Variants in ZW10 observed in about 807,000 individuals in gnomAD.
ZW10 encodes the protein centromere/kinetochore protein zw10 homolog.
A neutral mutation model predicts 87.8 loss-of-function variants in ZW10; 53 were observed. That is an observed-to-expected ratio of 0.60 (90% CI 0.48 to 0.76). ZW10 has a LOEUF of 0.76. Ranked by LOEUF, ZW10 falls within the 30% of genes least tolerant of loss-of-function variation. The pLI is 0.00. For missense variants in ZW10, 837 were observed against 923.0 expected (o/e 0.91, Z 1.21); for synonymous variants, 312 against 329.2 (o/e 0.95, Z 0.57).
chr11:113,760,669 C>G, intron 3 of ZW10, 79 bp from the exon 4 acceptor site: 1 of 1,226,308 alleles, frequency 8.2e-7, no homozygotes, highest in South Asian at 1.4e-5. Context: ...AATGCTCCCA[C>G]TTTCCCTCCC....
chr11:113,762,264 A>G (rs1188497997), intron 2 of ZW10, among the ~76,000 whole-genome samples: 1 of 152,190 alleles, frequency 6.6e-6, no homozygotes, highest in Admixed American at 6.5e-5. Context: ...CAGAAAACAT[A>G]CAGTAAAAAT....
intron 11 of ZW10, among the ~76,000 whole-genome samples, chr11:113,741,056 G>A (rs1464205369): frequency 1.3e-5 from 2 of 151,304 alleles, no homozygotes; most frequent in African/African-American, 4.8e-5. Context: ...CAACAGGTGA[G>A]CCTAGTTAAA....
Position 113,758,577 on chromosome 11 carries a change from A to C in ZW10, c.710T>G (p.Leu237Arg). ...VLLAFSVLGE[L>R]HSKLKSFGQM... is the part of the protein sequence containing the mutation. ...ACCAAATGATTTAAGCTTGCTGTGT[A>C]GTTCTCCAAGAACAGAAAATGCCAA... The change falls in exon 6 of 16, where the codon CTA (leucine) becomes CGA (arginine). Residue 237 changes from leucine (L) to arginine (R), a missense_variant. Coordinates refer to ENST00000200135, the MANE Select transcript of ZW10 (RefSeq NM_004724.4). 1 of 1,614,080 alleles carries C rather than the reference A, an allele frequency of 6.2e-7. No individual in the cohort carries two copies. Among genetic ancestry groups the C allele is most frequent in the South Asian group, 1.1e-5 (1 of 91,066 alleles).
At chr11:113,761,815 T>A (rs1163694292) in intron 2 of ZW10, among the ~76,000 whole-genome samples, 1 of 152,140 alleles carries the variant, frequency 6.6e-6, no homozygotes, top group Non-Finnish European at 1.5e-5. Flanking sequence ...CCCTCCCCCT[T>A]ACCAACCACC....
chr11:113,733,564 G>A lies in ZW10; in HGVS notation c.*130C>T. The A allele has an allele frequency of 7.9e-7, 1 of 1,273,574 alleles. No homozygotes were observed. Among genetic ancestry groups the A allele is most frequent in the East Asian group, 2.3e-5 (1 of 42,866 alleles). 78.9% of individuals were successfully genotyped at this position (1,273,574 alleles called of 1,614,324 possible). A position where few individuals can be genotyped will look rare whatever the true frequency, so the allele number is the denominator to read the frequency against. On this transcript the variant is annotated 3_prime_UTR_variant, in exon 16 of 16. Coordinates refer to ENST00000200135, the MANE Select transcript of ZW10 (RefSeq NM_004724.4). ...AGGCCAGGAGGTAAGACGTTCTTCT[G>A]TAAAGTCAAACTTCCAAGATGTACT...
intron 2 of ZW10, among the ~76,000 whole-genome samples, chr11:113,764,232 G>A (rs866709326): frequency 7.5e-4 from 114 of 152,262 alleles, no homozygotes; most frequent in African/African-American, 2.6e-3. Context: ...GTCTGTTTTG[G>A]TACCAGTACC....
intron 15 of ZW10, 75 bp from the exon 16 acceptor site, chr11:113,733,889 T>C (rs1953520237): frequency 1.4e-6 from 2 of 1,477,366 alleles, no homozygotes; most frequent in East Asian, 4.7e-5. Flanking sequence ...ATTGCCTGTT[T>C]GATCCAAATG....
rs75952975 is a variant in ZW10 at position 113,764,968 on chromosome 11, G to A, written c.240+3865C>T. Among the ~76,000 whole-genome samples the A allele has an allele frequency of 5.0e-4, 76 of 152,244 alleles. 1 individual carries two copies. The East Asian group carries it at 0.012, about 23-fold the overall frequency. ...ACTCCAAACCAGTGGTTTTTAACAGGAAGTGATTTTGCCCCAACCTCAACC... is the reference window on the plus strand; with the variant it reads ...ACTCCAAACCAGTGGTTTTTAACAGAAAGTGATTTTGCCCCAACCTCAACC... On this transcript the variant is annotated intron_variant, in intron 2 of 15. Transcript: ENST00000200135.
chr11:113,737,738 G>C (rs1309966533), intron 13 of ZW10, 35 bp from the exon 14 acceptor site: 1 of 1,558,086 alleles, frequency 6.4e-7, no homozygotes, highest in East Asian at 2.3e-5. Context: ...GTGGAAGAAA[G>C]ATTACTGTGA....
In ZW10 at chr11:113,760,740, T is replaced by C. The variant is rs115512727; in HGVS notation, c.342+77A>G. On this transcript the variant is annotated intron_variant, in intron 3 of 15. Coordinates refer to ENST00000200135, the MANE Select transcript of ZW10 (RefSeq NM_004724.4). The stretch of plus-strand genomic sequence containing the variant: ...AAAATATGAAGACAAAAAAACCCAT[T>C]ATAGTCAGGAGATAGCCATTGACTA... 322 of 1,240,694 alleles carry C rather than the reference T, an allele frequency of 2.6e-4. 1 individual carries two copies. The African/African-American group carries it at 4.4e-3, about 17-fold the overall frequency. The allele number at this position is 1,240,694 out of a possible 1,614,324, so 76.9% of individuals were successfully genotyped here. A position where few individuals can be genotyped will look rare whatever the true frequency, so the allele number is the denominator to read the frequency against.
intron 11 of ZW10, among the ~76,000 whole-genome samples, chr11:113,740,681 C>T (rs1487459790): frequency 6.6e-6 from 1 of 152,176 alleles, no homozygotes; most frequent in East Asian, 1.9e-4. Context: ...GACAGTGGTT[C>T]TCAAAATGTG....
At chr11:113,763,227 T>C (rs935064913) in intron 2 of ZW10, among the ~76,000 whole-genome samples, 5 of 152,234 alleles carry the variant, frequency 3.3e-5, no homozygotes, top group Non-Finnish European at 5.9e-5. Context: ...TAGTATTCCA[T>C]GGTGTATATG....
intron 10 of ZW10, among the ~76,000 whole-genome samples, 177 bp downstream of exon 10, chr11:113,743,625 G>T (rs1224365270): frequency 6.6e-6 from 1 of 152,234 alleles, no homozygotes; most frequent in African/African-American, 2.4e-5. Flanking sequence ...GTCAGAGATA[G>T]ACATAAATCT....
chr11:113,759,334 T>G (rs1953833053), intron 5 of ZW10, among the ~76,000 whole-genome samples: 1 of 152,142 alleles, frequency 6.6e-6, no homozygotes, highest in African/African-American at 2.4e-5. Context: ...ATATTCTACT[T>G]GAGAACAGAA....
At position 113,733,785 on chromosome 11, in the gene ZW10, G is replaced by A; in HGVS notation, c.2249C>T (p.Ala750Val). ...RWADGKGPLA[A>V]AFSSSEVKAL... ...TTTTACTTCACTGGAAGAGAACGCA[G>A]CTGCCAGGGGTCCTTTTCCATCTGC... Residue 750 changes from alanine to valine, a missense_variant, in exon 16 of 16, where the codon GCT becomes GTT. Physicochemically the swap from Ala to Val is moderately conservative, Grantham distance 64 (BLOSUM62 0). Coordinates refer to ENST00000200135, the MANE Select transcript of ZW10 (RefSeq NM_004724.4). 6.2e-7 allele frequency: 1 copy of A among 1,611,092 alleles called. No individual in the cohort carries two copies. The highest frequency in any genetic ancestry group is 1.1e-5 in the South Asian group (1 of 90,742).
chr11:113,766,660 C>A (rs769686516), intron 2 of ZW10, among the ~76,000 whole-genome samples: 2 of 104,580 alleles, frequency 1.9e-5, no homozygotes, highest in Non-Finnish European at 3.5e-5. Context: ...GGTGACAGAG[C>A]GAGACTCCAT....
At chr11:113,758,426 T>C in intron 6 of ZW10, 128 bp downstream of exon 6, 1 of 752,988 alleles carries the variant, frequency 1.3e-6, no homozygotes. Context: ...ACAATTCTCT[T>C]TGATGAATCA....
At chr11:113,758,264 C>T (rs2134887782) in intron 6 of ZW10, among the ~76,000 whole-genome samples, 1 of 150,800 alleles carries the variant, frequency 6.6e-6, no homozygotes, top group Middle Eastern at 3.4e-3. Context: ...CATGACATTA[C>T]ACACCAACCA....
intron 2 of ZW10, among the ~76,000 whole-genome samples, chr11:113,767,028 T>G (rs1412301144): frequency 6.6e-6 from 1 of 152,020 alleles, no homozygotes; most frequent in Non-Finnish European, 1.5e-5. Context: ...AAAAAATTTT[T>G]TTAAAGAATC....
Sources: gnomAD v4.1 joint callset for allele counts (sites outside exome capture counted in the v4.1 genomes callset) on GRCh38, gnomAD v4.1.1 for gene constraint, MANE v1.5 for transcripts, NCBI Gene and HGNC (gene_info 2026-07-23, HGNC 2026-07-21) for gene names.